The following ZNF536 variants were observed in gnomAD, a reference collection of about 807,000 sequenced individuals.
ZNF536 encodes the protein zinc finger protein 536.
ZNF536 carries 13 observed loss-of-function variants against 84.5 expected under a neutral mutation model. The ratio of observed to expected loss-of-function variants is 0.15; its 90% CI spans 0.10 to 0.24. ZNF536 has a LOEUF of 0.24. Ranked by LOEUF, ZNF536 falls within the 10% of genes least tolerant of loss-of-function variation. The probability of loss-of-function intolerance (pLI) is 1.00; values close to 1 mark genes in which losing one functional copy is unlikely to be tolerated. For missense variants in ZNF536, 1,536 were observed against 1,747.5 expected, an observed-to-expected ratio of 0.88 and a Z score of 2.16; for synonymous variants, 811 against 742.5, an observed-to-expected ratio of 1.09 and a Z score of -1.50.
chr19:30,681,503 G>A (rs1175177307), intron 1 of ZNF536, among the ~76,000 whole-genome samples: 2 of 152,192 alleles, frequency 1.3e-5, no homozygotes, highest in Non-Finnish European at 2.9e-5. Flanking sequence ...CTCTCCGCAT[G>A]AAGCGCAGGA....
In ZNF536 at chr19:30,265,708, G is replaced by A. The variant is rs181503429; in HGVS notation, c.-189-18364G>A. Among the ~76,000 whole-genome samples, 585 of 152,100 alleles carry A rather than the reference G, an allele frequency of 3.8e-3. 2 individuals are homozygous for A. Among genetic ancestry groups the A allele is most frequent in the Non-Finnish European group, 6.5e-3 (443 of 67,982 alleles). On this transcript the variant is annotated intron_variant, in intron 1 of 5. Transcript: ENST00000585628. ...GGAGATATAGAAGCTGCCTTTTTTCGTCATGGTTCCAGCTGGTATCACCTT... is the reference window on the plus strand; with the variant it reads ...GGAGATATAGAAGCTGCCTTTTTTCATCATGGTTCCAGCTGGTATCACCTT...
At chr19:30,410,571 T>G (rs902236256) in intron 1 of ZNF536, among the ~76,000 whole-genome samples, 4 of 144,928 alleles carry the variant, frequency 2.8e-5, no homozygotes, top group African/African-American at 1.0e-4. Flanking sequence ...GCCTCCCGGG[T>G]TCACGCCATT....
chr19:30,493,416 C>T (rs1200408793), intron 2 of ZNF536, among the ~76,000 whole-genome samples: 3 of 152,022 alleles, frequency 2.0e-5, no homozygotes, highest in African/African-American at 7.2e-5. Flanking sequence ...TTCTAATGTC[C>T]ATTACATATG....
exon 2 of ZNF536, chr19:30,712,261 A>G (rs2052475397): frequency 6.6e-6 from 1 of 152,208 alleles, no homozygotes; most frequent in African/African-American, 2.4e-5. Context: ...CATTAAAAAA[A>G]TGATTTAAGA....
At chr19:30,457,595 C>T (rs2052913841) in intron 2 of ZNF536, among the ~76,000 whole-genome samples, 1 of 152,226 alleles carries the variant, frequency 6.6e-6, no homozygotes, top group African/African-American at 2.4e-5. Context: ...CAGTTCTCCA[C>T]ACCAGAAAGT....
At chr19:30,405,586 A>T (rs886779413) in intron 1 of ZNF536, among the ~76,000 whole-genome samples, 1 of 152,042 alleles carries the variant, frequency 6.6e-6, no homozygotes, top group Non-Finnish European at 1.5e-5. Context: ...GTACCAAACC[A>T]TTTAAGACTG....
Position 30,548,253 on chromosome 19 carries a change from G to A in ZNF536, c.2634G>A (p.Ser878=), listed in dbSNP as rs371143732. The change falls in exon 4 of 5, where the codon TCG becomes TCA. Residue 878 remains serine, a synonymous_variant. Coordinates refer to ENST00000355537, the MANE Select transcript of ZNF536 (RefSeq NM_014717.3). ...DHSGQATGMS[S]EVPSDALKGT... is the part of the protein sequence containing the mutation. ...CGGGGCAGGCCACGGGCATGTCTTC[G>A]GAGGTCCCCTCAGATGCTCTGAAAG... is the stretch of plus-strand genomic sequence containing the variant. 4.7e-5 allele frequency: 76 copies of A among 1,614,218 alleles called. No individual in the cohort carries two copies. The African/African-American group carries it at 6.4e-4, about 14-fold the overall frequency.
intron 2 of ZNF536, among the ~76,000 whole-genome samples, chr19:30,485,368 A>T (rs2054264554): frequency 1.3e-5 from 2 of 152,144 alleles, no homozygotes; most frequent in Non-Finnish European, 2.9e-5. Context: ...GTCTATTCAT[A>T]GAATTGTGCA....
intron 3 of ZNF536, among the ~76,000 whole-genome samples, chr19:30,359,613 C>T (rs1404086719): frequency 2.6e-5 from 4 of 152,104 alleles, no homozygotes; most frequent in Non-Finnish European, 4.4e-5. Flanking sequence ...TTACAGGGTG[C>T]CCACCCATCC....
chr19:30,413,548 T>A (rs964927248), intron 1 of ZNF536, among the ~76,000 whole-genome samples: 6 of 152,360 alleles, frequency 3.9e-5, no homozygotes, highest in Middle Eastern at 3.4e-3. Context: ...TGGATGTTTG[T>A]AAAGAATTCA....
chr19:30,707,758 C>A (rs2052300503), intron 1 of ZNF536, among the ~76,000 whole-genome samples: 1 of 151,994 alleles, frequency 6.6e-6, no homozygotes, highest in Non-Finnish European at 1.5e-5. Flanking sequence ...GTCTGTAATC[C>A]CAGCACTTTG....
At chr19:30,269,896 C>G (rs979872815) in intron 1 of ZNF536, among the ~76,000 whole-genome samples, 12 of 152,302 alleles carry the variant, frequency 7.9e-5, no homozygotes, top group Admixed American at 7.2e-4. Context: ...TAGCTGGTTC[C>G]AGTTTTCAGG....
intron 1 of ZNF536, among the ~76,000 whole-genome samples, chr19:30,643,143 G>A (rs912970852): frequency 1.3e-5 from 2 of 152,214 alleles, no homozygotes; most frequent in Non-Finnish European, 2.9e-5. Flanking sequence ...GGATCCTGTG[G>A]TGGGGGAACG....
chr19:30,595,216 G>A (rs1164057451), intron 1 of ZNF536, among the ~76,000 whole-genome samples: 1 of 152,168 alleles, frequency 6.6e-6, no homozygotes, highest in Non-Finnish European at 1.5e-5. Context: ...GAGCTCAGGG[G>A]TTGGCCATTG....
intron 1 of ZNF536, among the ~76,000 whole-genome samples, chr19:30,698,211 G>A (rs1478015893): frequency 6.6e-6 from 1 of 151,880 alleles, no homozygotes; most frequent in Non-Finnish European, 1.5e-5. Context: ...AGAATCACTT[G>A]AACCTGGGAG....
At position 30,667,843 on chromosome 19, in the gene ZNF536, G is replaced by A. The variant is rs562795275; in HGVS notation, c.170-42914G>A. Among the ~76,000 whole-genome samples the A allele has an allele frequency of 2.0e-5, 3 of 152,030 alleles. No individual in the cohort carries two copies. The South Asian group carries it at 6.2e-4, about 32-fold the overall frequency. On this transcript the variant is annotated intron_variant, in intron 1 of 1. Coordinates refer to the ZNF536 transcript ENST00000592773. ...TCAGCATGTCCTGAGTGCTTGCAAT[G>A]TGCTAAGAACTATGCTGTGAAGGTC...
At chr19:30,280,177 C>T (rs543139263) in intron 1 of ZNF536, among the ~76,000 whole-genome samples, 1 of 152,274 alleles carries the variant, frequency 6.6e-6, no homozygotes, top group African/African-American at 2.4e-5. Flanking sequence ...CTTCCATCTG[C>T]ACTTTCACCC....
intron 1 of ZNF536, among the ~76,000 whole-genome samples, chr19:30,661,599 C>G (rs1367621457): frequency 6.6e-6 from 1 of 152,206 alleles, no homozygotes; most frequent in Non-Finnish European, 1.5e-5. Flanking sequence ...AGAAAATTAT[C>G]TGACATGTCG....
At chr19:30,281,866 CAG>C (rs1720523012) in intron 1 of ZNF536, among the ~76,000 whole-genome samples, 1 of 152,292 alleles carries the variant, frequency 6.6e-6, no homozygotes, top group African/African-American at 2.4e-5. Flanking sequence ...GGCTCATGGA[CAG>C]AGTCTCCTGG....
Sources: gnomAD v4.1 joint callset for allele counts (sites outside exome capture counted in the v4.1 genomes callset) on GRCh38, gnomAD v4.1.1 for gene constraint, MANE v1.5 for transcripts, NCBI Gene and HGNC (gene_info 2026-07-23, HGNC 2026-07-21) for gene names.